The following OPCML variants were observed in gnomAD, a reference collection of about 807,000 sequenced individuals.
The protein encoded by OPCML is opioid binding protein/cell adhesion molecule like.
Under a neutral mutation model 37.8 loss-of-function variants are expected in OPCML, and 13 were observed. That is an observed-to-expected ratio of 0.34 (90% CI 0.22 to 0.55). The LOEUF (loss-of-function observed/expected upper bound fraction) is 0.55. OPCML is among the 20% of genes least tolerant of loss of function. OPCML has a pLI of 0.91. For synonymous variants in OPCML, 176 were observed against 168.8 expected (o/e 1.04, Z -0.33); for missense variants, 341 against 435.6 (o/e 0.78, Z 1.93).
intron 1 of OPCML, among the ~76,000 whole-genome samples, chr11:133,159,651 T>A (rs1950115338): frequency 1.3e-5 from 2 of 152,234 alleles, no homozygotes; most frequent in African/African-American, 4.8e-5. Context: ...AGAAGGAAAG[T>A]GAAGATTGAC....
At chr11:133,525,148 G>C (rs942879954) in intron 1 of OPCML, among the ~76,000 whole-genome samples, 1 of 152,240 alleles carries the variant, frequency 6.6e-6, no homozygotes. Context: ...TTAGAAAAGA[G>C]AAGTCTGGTT....
Position 132,568,052 on chromosome 11 carries a change from G to A in OPCML, c.380-38866C>T, listed in dbSNP as rs555488779. Reference sequence around the variant, plus strand: ...TGTGTGTGTGTGTGTGCGCGCGCGCGCGTGTGTGTGTGTGTGTTTGATTAG... The same window carrying A: ...TGTGTGTGTGTGTGTGCGCGCGCGCACGTGTGTGTGTGTGTGTTTGATTAG... On this transcript the variant is annotated intron_variant, in intron 3 of 7. Transcript: ENST00000524381. Among the ~76,000 whole-genome samples the A allele has an allele frequency of 2.7e-3, 319 of 119,278 alleles. 2 individuals are homozygous for A. The highest frequency in any genetic ancestry group is 4.5e-3 in the Non-Finnish European group (253 of 56,286). 78.3% of individuals were successfully genotyped at this position (119,278 alleles called of 152,430 possible).
chr11:132,487,986 G>C (rs2096205133), intron 4 of OPCML, among the ~76,000 whole-genome samples: 1 of 152,124 alleles, frequency 6.6e-6, no homozygotes, highest in African/African-American at 2.4e-5. Context: ...AAGTTTTTCT[G>C]CTGGATGTGC....
chr11:132,601,588 A>G (rs1937907156), intron 3 of OPCML, among the ~76,000 whole-genome samples: 1 of 152,164 alleles, frequency 6.6e-6, no homozygotes, highest in Non-Finnish European at 1.5e-5. Context: ...GTGAAATGAA[A>G]TCTCATCAAG....
chr11:132,990,295 G>A (rs1179658645), intron 1 of OPCML, among the ~76,000 whole-genome samples: 1 of 152,186 alleles, frequency 6.6e-6, no homozygotes, highest in African/African-American at 2.4e-5. Flanking sequence ...GAGAGTGCCT[G>A]CACTTACCAT....
At chr11:133,229,241 C>T (rs1449292717) in intron 1 of OPCML, among the ~76,000 whole-genome samples, 1 of 152,194 alleles carries the variant, frequency 6.6e-6, no homozygotes, top group South Asian at 2.1e-4. Context: ...TGGAGGGCAG[C>T]TCTGAACCAA....
chr11:132,991,338 C>T (rs890325637), intron 1 of OPCML, among the ~76,000 whole-genome samples: 3 of 152,172 alleles, frequency 2.0e-5, no homozygotes, highest in African/African-American at 7.2e-5. Flanking sequence ...TATTCATTTT[C>T]ATAAATGCAA....
rs187886523 is a variant in OPCML, at chr11:132,564,398, T to A, written c.380-35212A>T. 2.0e-5 allele frequency among the ~76,000 whole-genome samples: 3 copies of A among 152,320 alleles called. No homozygotes were observed. In the East Asian group the frequency reaches 5.8e-4, roughly 29 times the overall value. Reference sequence around the variant, plus strand: ...CATCACTCTACAAGAGGGGCAAGTTTTGGTGATTCTTCCCAGATTGTCAGT... The same window carrying A: ...CATCACTCTACAAGAGGGGCAAGTTATGGTGATTCTTCCCAGATTGTCAGT... On this transcript the variant is annotated intron_variant, in intron 3 of 7. Coordinates refer to ENST00000524381, the MANE Select transcript of OPCML (RefSeq NM_001012393.5).
At chr11:133,482,871 T>C (rs556251007) in intron 1 of OPCML, among the ~76,000 whole-genome samples, 1 of 152,264 alleles carries the variant, frequency 6.6e-6, no homozygotes, top group East Asian at 1.9e-4. Flanking sequence ...TAGAGAATGT[T>C]GGCTTAAACA....
At position 132,423,779 on chromosome 11, in the gene OPCML, T is replaced by C. The variant is rs1306619945; in HGVS notation, c.917-3486A>G. ...GCCTCGGGGCTCACGTTTGGTCCCA[T>C]GGGTTACCATGAGGCTTTTGTAAAT... On this transcript the variant is annotated intron_variant, in intron 7 of 7. Coordinates refer to ENST00000524381, the MANE Select transcript of OPCML (RefSeq NM_001012393.5). 3.9e-5 allele frequency among the ~76,000 whole-genome samples: 6 copies of C among 152,288 alleles called. No individual in the cohort carries two copies. In the South Asian group the frequency reaches 1.2e-3, roughly 32 times the overall value.
chr11:132,912,828 C>T (rs750995318), intron 2 of OPCML, among the ~76,000 whole-genome samples: 19 of 152,346 alleles, frequency 1.2e-4, no homozygotes, highest in Middle Eastern at 3.4e-3. Context: ...TCAGAACTTT[C>T]AGTGGCTTCC....
chr11:132,429,385 G>A (rs1373456801), intron 7 of OPCML, among the ~76,000 whole-genome samples: 7 of 152,212 alleles, frequency 4.6e-5, no homozygotes, highest in Non-Finnish European at 7.3e-5. Flanking sequence ...CATGTGAGAC[G>A]TGTGCCACAA....
intron 1 of OPCML, among the ~76,000 whole-genome samples, chr11:133,230,248 T>A (rs746160138): frequency 3.3e-5 from 5 of 152,178 alleles, no homozygotes; most frequent in Non-Finnish European, 5.9e-5. Flanking sequence ...AGGGGAACAC[T>A]CATCTTGGCT....
At chr11:132,961,843 A>G (rs1356025419) in intron 1 of OPCML, among the ~76,000 whole-genome samples, 2 of 152,234 alleles carry the variant, frequency 1.3e-5, no homozygotes, top group Non-Finnish European at 2.9e-5. Context: ...GCCATATGAA[A>G]GGTCTTCCTC....
intron 1 of OPCML, chr11:133,005,001 CT>C: frequency 1.0e-6 from 1 of 985,400 alleles, no homozygotes; most frequent in Non-Finnish European, 1.2e-6. Flanking sequence ...ACTCTTACTC[CT>C]CCCATCCCTC....
chr11:132,782,903 T>C (rs1230756678), intron 2 of OPCML, among the ~76,000 whole-genome samples: 1 of 120,896 alleles, frequency 8.3e-6, no homozygotes, highest in Non-Finnish European at 1.7e-5. Flanking sequence ...ATATGTAATA[T>C]ATATATAGTG....
At chr11:132,686,202 T>A (rs1360875170) in intron 2 of OPCML, among the ~76,000 whole-genome samples, 1 of 152,202 alleles carries the variant, frequency 6.6e-6, no homozygotes, top group Non-Finnish European at 1.5e-5. Context: ...AGATCATCAA[T>A]TCTAACTCAG....
At chr11:132,803,553 G>T (rs965917501) in intron 2 of OPCML, among the ~76,000 whole-genome samples, 3 of 152,166 alleles carry the variant, frequency 2.0e-5, no homozygotes, top group Non-Finnish European at 4.4e-5. Flanking sequence ...CATGGTGGGA[G>T]GGAACCAGAG....
chr11:133,262,574 G>A (rs907131970), intron 1 of OPCML, among the ~76,000 whole-genome samples: 5 of 152,126 alleles, frequency 3.3e-5, no homozygotes, highest in African/African-American at 1.2e-4. Context: ...GCAGTGAGCC[G>A]GCAGATGGAT....
Sources: gnomAD v4.1 joint callset for allele counts (sites outside exome capture counted in the v4.1 genomes callset) on GRCh38, gnomAD v4.1.1 for gene constraint, MANE v1.5 for transcripts, NCBI Gene and HGNC (gene_info 2026-07-23, HGNC 2026-07-21) for gene names.